Variants in MARK1 observed in about 807,000 individuals in gnomAD.
MARK1 encodes the protein microtubule affinity regulating kinase 1.
In MARK1, 40 loss-of-function variants were observed where a neutral mutation model predicts 96.3. That is an observed-to-expected ratio of 0.42 (90% CI 0.32 to 0.54). The LOEUF is 0.54. Ranked by LOEUF, MARK1 falls within the 20% of genes least tolerant of loss-of-function variation. The probability of loss-of-function intolerance (pLI) is 0.16; values close to 1 mark genes in which losing one functional copy is unlikely to be tolerated. For synonymous variants in MARK1, 317 were observed against 341.2 expected (o/e 0.93, Z 0.78); for missense variants, 719 against 984.6 (o/e 0.73, Z 3.61).
chr1:220,637,214 A>G (rs1185680674), intron 13 of MARK1, among the ~76,000 whole-genome samples: 2 of 152,264 alleles, frequency 1.3e-5, no homozygotes, highest in Non-Finnish European at 2.9e-5. Context: ...AAAGTAATCA[A>G]CTTACTAAAG....
chr1:220,580,182 TA>T (rs902284525), intron 2 of MARK1, among the ~76,000 whole-genome samples: 1 of 151,426 alleles, frequency 6.6e-6, no homozygotes, highest in African/African-American at 2.4e-5. Context: ...TAGGACATTA[TA>T]AAAAAAAATC....
intron 13 of MARK1, among the ~76,000 whole-genome samples, chr1:220,648,064 T>TA (rs57318455): frequency 2.2e-4 from 31 of 137,844 alleles, no homozygotes; most frequent in East Asian, 1.2e-3. Flanking sequence ...ATTTAAAAAT[T>TA]AAAAAAAAAA....
At chr1:220,652,430 G>A (rs1398772195) in intron 15 of MARK1, among the ~76,000 whole-genome samples, 2 of 151,982 alleles carry the variant, frequency 1.3e-5, no homozygotes, top group Non-Finnish European at 2.9e-5. Flanking sequence ...TTGTCATTTA[G>A]GTAAATTGAT....
rs568078502 is a variant in MARK1 at position 220,646,286 on chromosome 1, T to A, written c.1471-4334T>A. On this transcript the variant is annotated intron_variant, in intron 13 of 17. Coordinates refer to ENST00000366917, the MANE Select transcript of MARK1 (RefSeq NM_018650.5). ...AACAACAGGCAAGCAGAGAGCCAAA[T>A]CATGAATGAACTTCCATTTACAATT... Among the ~76,000 whole-genome samples the A allele has an allele frequency of 3.0e-3, 456 of 152,110 alleles. 4 individuals are homozygous for A. The highest frequency in any genetic ancestry group is 0.011 in the African/African-American group (440 of 41,476).
intron 6 of MARK1, among the ~76,000 whole-genome samples, chr1:220,608,394 G>A (rs940185540): frequency 2.0e-5 from 3 of 152,094 alleles, no homozygotes; most frequent in Non-Finnish European, 2.9e-5. Flanking sequence ...TGGGATCAAT[G>A]GTGATATCCC....
chr1:220,553,225 A>G (rs1352202589), intron 1 of MARK1, among the ~76,000 whole-genome samples: 1 of 152,150 alleles, frequency 6.6e-6, no homozygotes, highest in Non-Finnish European at 1.5e-5. Context: ...CAGTCTGTGA[A>G]TCTCTATAGA....
chr1:220,556,500 A>AC (rs1288501279), intron 1 of MARK1, among the ~76,000 whole-genome samples: 13 of 148,578 alleles, frequency 8.7e-5, no homozygotes, highest in African/African-American at 2.2e-4. Flanking sequence ...AAAAAAAAAA[A>AC]AAAAAACAAA....
At chr1:220,592,087 C>G (rs1007447478) in intron 3 of MARK1, among the ~76,000 whole-genome samples, 2 of 151,790 alleles carry the variant, frequency 1.3e-5, no homozygotes, top group African/African-American at 4.8e-5. Context: ...TGAGGCAACC[C>G]CCATGATTCT....
At chr1:220,587,887 A>G (rs768109458) in intron 3 of MARK1, among the ~76,000 whole-genome samples, 1 of 152,146 alleles carries the variant, frequency 6.6e-6, no homozygotes, top group Non-Finnish European at 1.5e-5. Context: ...GAGAAGATGT[A>G]TAGAGGGATG....
intron 1 of MARK1, among the ~76,000 whole-genome samples, chr1:220,536,323 G>A (rs1221042095): frequency 1.3e-5 from 2 of 151,112 alleles, no homozygotes; most frequent in Admixed American, 1.3e-4. Flanking sequence ...GGCAAGAATG[G>A]GCATCCTTGT....
intron 6 of MARK1, among the ~76,000 whole-genome samples, chr1:220,609,946 T>C (rs989350784): frequency 3.9e-5 from 6 of 152,332 alleles, no homozygotes; most frequent in Non-Finnish European, 8.8e-5. Context: ...CTTCCCTTTG[T>C]AGGTAACTCA....
chr1:220,528,722 C>G lies in MARK1; in HGVS notation c.-101C>G, dbSNP rs1173808629. ...CGCGGCCTGCGGGAGCCGCTCGCCCCGGCCTTGTGCTCGCGTCCGCACCCC... is the reference window on the plus strand; with the variant it reads ...CGCGGCCTGCGGGAGCCGCTCGCCCGGGCCTTGTGCTCGCGTCCGCACCCC... On this transcript the variant is annotated 5_prime_UTR_variant, in exon 1 of 18. Coordinates refer to ENST00000366917, the MANE Select transcript of MARK1 (RefSeq NM_018650.5). 3 of 1,112,520 alleles carry G rather than the reference C, an allele frequency of 2.7e-6. No homozygotes were observed. Among genetic ancestry groups the G allele is most frequent in the East Asian group, 3.1e-5 (1 of 32,378 alleles). The allele number at this position is 1,112,520 out of a possible 1,614,324, so 68.9% of individuals were successfully genotyped here. A position where few individuals can be genotyped will look rare whatever the true frequency, so the allele number is the denominator to read the frequency against.
At chr1:220,536,957 T>C (rs2102698701) in intron 1 of MARK1, among the ~76,000 whole-genome samples, 1 of 152,034 alleles carries the variant, frequency 6.6e-6, no homozygotes, top group Non-Finnish European at 1.5e-5. Flanking sequence ...TCTCCATAGA[T>C]AAGTCTCTAA....
chr1:220,560,359 A>G (rs576813414), intron 1 of MARK1, among the ~76,000 whole-genome samples: 1 of 152,300 alleles, frequency 6.6e-6, no homozygotes, highest in African/African-American at 2.4e-5. Flanking sequence ...CTCCTTTGCA[A>G]CTTCATGGTT....
intron 13 of MARK1, among the ~76,000 whole-genome samples, chr1:220,650,318 C>G (rs1013284211): frequency 5.1e-4 from 78 of 152,286 alleles, no homozygotes; most frequent in African/African-American, 1.8e-3. Flanking sequence ...CCTGCTCCTG[C>G]CCTTTCTCTA....
chr1:220,627,855 T>G (rs1453696050), intron 9 of MARK1: 1 of 153,156 alleles, frequency 6.5e-6, no homozygotes, highest in South Asian at 2.1e-4. Context: ...GCTGCTAATG[T>G]AACATCAGCC....
rs1234959860 is a variant in MARK1 at position 220,615,924 on chromosome 1, A to G, written c.496-15A>G. Reference sequence around the variant, plus strand: ...TTTTAATAATTTGACTCTTTTATCCAAATGTTTATTCCAGATTGTATCTGC... The same window carrying G: ...TTTTAATAATTTGACTCTTTTATCCGAATGTTTATTCCAGATTGTATCTGC... On this transcript the variant is annotated splice_polypyrimidine_tract_variant and intron_variant, in intron 6 of 17. Transcript: ENST00000366917. 2.1e-6 allele frequency: 3 copies of G among 1,453,128 alleles called. No individual in the cohort carries two copies. Among genetic ancestry groups the G allele is most frequent in the Non-Finnish European group, 2.8e-6 (3 of 1,053,600 alleles). 90.0% of individuals were successfully genotyped at this position (1,453,128 alleles called of 1,614,324 possible).
chr1:220,570,026 A>G (rs1308063395), intron 1 of MARK1, among the ~76,000 whole-genome samples: 1 of 152,162 alleles, frequency 6.6e-6, no homozygotes, highest in Non-Finnish European at 1.5e-5. Context: ...TCTGAAAAAA[A>G]TTTTACAAAC....
chr1:220,651,234 C>T (rs563820717), intron 14 of MARK1, among the ~76,000 whole-genome samples: 2 of 152,238 alleles, frequency 1.3e-5, no homozygotes, highest in East Asian at 3.9e-4. Context: ...TTCTTTCTAT[C>T]ATGAGTCACA....
Sources: allele counts gnomAD v4.1 joint callset (sites outside exome capture counted in the v4.1 genomes callset), GRCh38; gene constraint gnomAD v4.1.1; transcripts MANE v1.5; gene names NCBI Gene and HGNC (gene_info 2026-07-23, HGNC 2026-07-21).